The following PBX1 variants were observed in gnomAD, a reference collection of about 807,000 sequenced individuals.
PBX1 encodes pre-B-cell leukemia transcription factor 1.
A neutral mutation model predicts 53.4 loss-of-function variants in PBX1; 6 were observed. The ratio of observed to expected loss-of-function variants is 0.11; its 90% CI spans 0.06 to 0.22. The LOEUF is 0.22. Among genes scored for constraint, PBX1 ranks in the 10% least tolerant of loss-of-function variants. The pLI is 1.00. For synonymous variants in PBX1, 204 were observed against 212.3 expected (o/e 0.96, Z 0.34); for missense variants, 251 against 551.4 (o/e 0.46, Z 5.46).
chr1:164,884,579 G>T (rs750609047), intron 2 of PBX1: 1 of 516,078 alleles, frequency 1.9e-6, no homozygotes. Flanking sequence ...GGATGCTCTG[G>T]TGGTGACAGC....
chr1:164,582,563 C>T (rs1429362865), intron 2 of PBX1, among the ~76,000 whole-genome samples: 8 of 151,928 alleles, frequency 5.3e-5, no homozygotes, highest in Non-Finnish European at 8.8e-5. Flanking sequence ...GCTGGGATTA[C>T]AGGCACATGC....
In PBX1 at chr1:164,849,545, C is replaced by A; in HGVS notation, c.*2869C>A. On this transcript the variant is annotated 3_prime_UTR_variant, in exon 9 of 9. Transcript: ENST00000420696. Reference sequence around the variant, plus strand: ...AGCAAGATGCACCCCAGGATTTCTTCATTTTCTAATAGATGTGGGAGTGCT... The same window carrying A: ...AGCAAGATGCACCCCAGGATTTCTTAATTTTCTAATAGATGTGGGAGTGCT... The A allele has an allele frequency of 8.0e-7, 1 of 1,246,024 alleles. No individual in the cohort carries two copies. The highest frequency in any genetic ancestry group is 1.1e-6 in the Non-Finnish European group (1 of 914,480). 77.2% of individuals were successfully genotyped at this position (1,246,024 alleles called of 1,614,324 possible). A position where few individuals can be genotyped will look rare whatever the true frequency, so the allele number is the denominator to read the frequency against.
chr1:164,720,507 G>T (rs1664345312), intron 2 of PBX1, among the ~76,000 whole-genome samples: 1 of 152,104 alleles, frequency 6.6e-6, no homozygotes, highest in Admixed American at 6.5e-5. Context: ...CCACATTATA[G>T]TTCTGGCCAC....
At chr1:164,813,780 A>G (rs575165867) in intron 6 of PBX1, 1 of 152,218 alleles carries the variant, frequency 6.6e-6, no homozygotes, top group South Asian at 2.1e-4. Flanking sequence ...TCATTACTAA[A>G]TTTGTAACTA....
chr1:164,789,127 T>A (rs1376830270), intron 2 of PBX1, among the ~76,000 whole-genome samples: 3 of 152,202 alleles, frequency 2.0e-5, no homozygotes, highest in African/African-American at 7.2e-5. Context: ...GAAACTTCCA[T>A]GGCGGGTAGG....
chr1:164,622,326 T>G (rs1352562145), intron 2 of PBX1, among the ~76,000 whole-genome samples: 1 of 152,132 alleles, frequency 6.6e-6, no homozygotes, highest in Non-Finnish European at 1.5e-5. Context: ...GGTGGATCTG[T>G]GTGAAATGTC....
At chr1:164,844,005 T>C (rs1671430794) in intron 8 of PBX1, among the ~76,000 whole-genome samples, 1 of 152,138 alleles carries the variant, frequency 6.6e-6, no homozygotes, top group South Asian at 2.1e-4. Flanking sequence ...ACTCCATTGT[T>C]CCATGACCTA....
intron 2 of PBX1, among the ~76,000 whole-genome samples, chr1:164,872,681 C>A (rs2102456380): frequency 6.6e-6 from 1 of 152,288 alleles, no homozygotes; most frequent in Non-Finnish European, 1.5e-5. Flanking sequence ...CACCACACAC[C>A]ATTGGCCTAT....
At position 164,683,263 on chromosome 1, in the gene PBX1, C is replaced by T. The variant is rs1430598299; in HGVS notation, c.266-109231C>T. On this transcript the variant is annotated intron_variant, in intron 2 of 8. Transcript: ENST00000420696. ...GTATGTCCTGAGACAGAAGAAATAG[C>T]CCCATTTTACAGAAGAAGAAACCCA... 3 of 152,224 alleles carry T rather than the reference C, an allele frequency of 2.0e-5. No homozygotes were observed. The South Asian group carries it at 6.2e-4, about 32-fold the overall frequency. 9.4% of individuals were successfully genotyped at this position (152,224 alleles called of 1,614,324 possible). A position where few individuals can be genotyped will look rare whatever the true frequency, so the allele number is the denominator to read the frequency against.
At chr1:164,875,423 C>T (rs1345858281) in intron 2 of PBX1, among the ~76,000 whole-genome samples, 2 of 152,128 alleles carry the variant, frequency 1.3e-5, no homozygotes, top group Non-Finnish European at 2.9e-5. Flanking sequence ...ACACTTCAGC[C>T]TCCCTTGTAG....
rs2102345764 is a variant in PBX1, at chr1:164,812,065, T to C, written c.913T>C (p.Tyr305His). Residue 305 changes from tyrosine to histidine, a missense_variant, in exon 6 of 9, where the codon TAT becomes CAT. Physicochemically the swap from Tyr to His is moderately conservative, Grantham distance 83 (BLOSUM62 2). This residue lies in a region of PBX1 where 20 missense variants were observed against 144.8 expected (regional missense o/e 0.14). Coordinates refer to ENST00000420696, the MANE Select transcript of PBX1 (RefSeq NM_002585.4). Reference sequence around the variant, plus strand: ...TAAATTTCAAGAGGAAGCCAATATTTATGCTGCCAAAACAGCTGTCACTGC... The same window carrying C: ...TAAATTTCAAGAGGAAGCCAATATTCATGCTGCCAAAACAGCTGTCACTGC... ...IGKFQEEANI[Y>H]AAKTAVTATN... is the part of the protein sequence containing the mutation. The C allele has an allele frequency of 6.2e-7, 1 of 1,614,020 alleles. No individual in the cohort carries two copies. Among genetic ancestry groups the C allele is most frequent in the Non-Finnish European group, 8.5e-7 (1 of 1,179,952 alleles).
intron 2 of PBX1, chr1:164,682,195 TAATC>T (rs1661815232): frequency 6.6e-6 from 1 of 152,272 alleles, no homozygotes; most frequent in African/African-American, 2.4e-5. Flanking sequence ...TGGAATATAA[TAATC>T]CTACTTTTCT....
intron 4 of PBX1, 108 bp from the exon 5 acceptor site, chr1:164,807,434 A>C: frequency 7.2e-7 from 1 of 1,388,402 alleles, no homozygotes; most frequent in South Asian, 1.5e-5. Context: ...CTCCAAATTC[A>C]CCTTTTGCTC....
chr1:164,668,132 C>T (rs1310287927), intron 2 of PBX1, among the ~76,000 whole-genome samples: 1 of 152,138 alleles, frequency 6.6e-6, no homozygotes, highest in Non-Finnish European at 1.5e-5. Context: ...TGTCATACCA[C>T]CCTCCTGTCA....
At chr1:164,703,550 T>G (rs148863449) in intron 2 of PBX1, among the ~76,000 whole-genome samples, 5 of 152,278 alleles carry the variant, frequency 3.3e-5, no homozygotes, top group Non-Finnish European at 7.4e-5. Flanking sequence ...TCCCTGCTCA[T>G]TACCACGAGC....
intron 2 of PBX1, among the ~76,000 whole-genome samples, chr1:164,786,213 A>G (rs1317929656): frequency 6.6e-6 from 1 of 151,908 alleles, no homozygotes; most frequent in Non-Finnish European, 1.5e-5. Context: ...TATTGCTCTT[A>G]AGAAATATTG....
At chr1:164,701,022 C>T (rs938507945) in intron 2 of PBX1, among the ~76,000 whole-genome samples, 6 of 152,170 alleles carry the variant, frequency 3.9e-5, no homozygotes, top group East Asian at 3.9e-4. Context: ...TAAAACATTA[C>T]GCAAATAGCC....
At chr1:164,768,002 CT>C (rs56064016) in intron 2 of PBX1, among the ~76,000 whole-genome samples, 10,872 of 148,356 alleles carry the variant, frequency 0.073, 550 homozygotes, top group South Asian at 0.2. Flanking sequence ...TCCATATATA[CT>C]TTTTTTTTTT....
intron 2 of PBX1, among the ~76,000 whole-genome samples, chr1:164,601,658 C>T (rs1007290587): frequency 2.0e-4 from 30 of 152,144 alleles, no homozygotes; most frequent in Non-Finnish European, 7.3e-5. Flanking sequence ...ACCTGTTCCA[C>T]GCTTAGTACA....
Sources: gnomAD v4.1 joint callset for allele counts (sites outside exome capture counted in the v4.1 genomes callset) on GRCh38, gnomAD v4.1.1 for gene constraint, gnomAD v4.1.1 regional missense constraint, MANE v1.5 for transcripts, NCBI Gene and HGNC (gene_info 2026-07-23, HGNC 2026-07-21) for gene names.